Variants in MTIF2 observed in about 807,000 individuals in gnomAD.
MTIF2 encodes mitochondrial translational initiation factor 2.
MTIF2 carries 71 observed loss-of-function variants against 83.5 expected under a neutral mutation model. That is an observed-to-expected ratio of 0.85 (90% CI 0.70 to 1.04). MTIF2 has a LOEUF of 1.04. Ranked by LOEUF, MTIF2 falls within the 50% of genes least tolerant of loss-of-function variation. MTIF2 has a pLI of 0.00. For synonymous variants in MTIF2, 319 were observed against 287.1 expected (o/e 1.11, Z -1.12); for missense variants, 957 against 846.5 (o/e 1.13, Z -1.62).
At chr2:55,257,391 G>A (rs995620079) in intron 5 of MTIF2, among the ~76,000 whole-genome samples, 2 of 152,190 alleles carry the variant, frequency 1.3e-5, no homozygotes, top group Non-Finnish European at 2.9e-5. Flanking sequence ...TAAAGCAGGA[G>A]ACTCTCTTGA....
intron 15 of MTIF2, 77 bp from the exon 16 acceptor site, chr2:55,236,897 A>T (rs1177906803): frequency 8.7e-7 from 1 of 1,147,658 alleles, no homozygotes; most frequent in Non-Finnish European, 1.2e-6. Flanking sequence ...TGTGGTGTTA[A>T]CCAGGAAATT....
intron 5 of MTIF2, among the ~76,000 whole-genome samples, chr2:55,256,381 T>C (rs929352471): frequency 3.9e-5 from 6 of 151,984 alleles, no homozygotes; most frequent in African/African-American, 1.5e-4. Flanking sequence ...TTTATGTATC[T>C]AGGGTGTCCA....
At chr2:55,249,584 C>G in intron 8 of MTIF2, 50 bp from the exon 9 acceptor site, 1 of 1,588,136 alleles carries the variant, frequency 6.3e-7, no homozygotes, top group Non-Finnish European at 8.6e-7. Flanking sequence ...CCTTCAATTC[C>G]AGGTATTCAC....
chr2:55,251,732 T>G (rs1237017890), intron 8 of MTIF2, among the ~76,000 whole-genome samples: 1 of 152,214 alleles, frequency 6.6e-6, no homozygotes, highest in East Asian at 1.9e-4. Context: ...CAAGTGATTC[T>G]CCTGCCTCAG....
intron 3 of MTIF2, among the ~76,000 whole-genome samples, chr2:55,265,341 A>C (rs755729297): frequency 6.0e-5 from 9 of 150,114 alleles, no homozygotes; most frequent in South Asian, 2.1e-4. Flanking sequence ...TGTTGATTCA[A>C]AGTTTAATAA....
At chr2:55,264,483 T>C (rs547160354) in intron 3 of MTIF2, among the ~76,000 whole-genome samples, 2 of 152,326 alleles carry the variant, frequency 1.3e-5, no homozygotes, top group South Asian at 2.1e-4. Context: ...GTGATCCACC[T>C]TGGCCTCCCA....
At chr2:55,261,304 T>C (rs1677965995) in intron 5 of MTIF2, among the ~76,000 whole-genome samples, 1 of 152,070 alleles carries the variant, frequency 6.6e-6, no homozygotes, top group African/African-American at 2.4e-5. Context: ...CTTACAGATA[T>C]TGTCAAAATG....
intron 3 of MTIF2, 33 bp from the exon 4 acceptor site, chr2:55,263,898 T>C: frequency 6.7e-7 from 1 of 1,491,432 alleles, no homozygotes. Flanking sequence ...AAAATAATAT[T>C]CAAATCAAGT....
intron 7 of MTIF2, among the ~76,000 whole-genome samples, chr2:55,253,289 T>C (rs2104396730): frequency 6.6e-6 from 1 of 152,330 alleles, no homozygotes; most frequent in Non-Finnish European, 1.5e-5. Context: ...ATCAGCAATA[T>C]TATCACAACC....
chr2:55,262,157 T>G (rs1488520105), intron 5 of MTIF2, among the ~76,000 whole-genome samples, 159 bp downstream of exon 5: 1 of 152,172 alleles, frequency 6.6e-6, no homozygotes, highest in Non-Finnish European at 1.5e-5. Context: ...AGAAACTAAC[T>G]AGGGATTATG....
intron 10 of MTIF2, among the ~76,000 whole-genome samples, chr2:55,245,274 C>T (rs1425583938): frequency 6.6e-6 from 1 of 151,858 alleles, no homozygotes; most frequent in East Asian, 1.9e-4. Flanking sequence ...GTAATCCCAG[C>T]ACTTTGGGAG....
At chr2:55,267,174 T>C (rs1364191292) in intron 3 of MTIF2, among the ~76,000 whole-genome samples, 2 of 152,120 alleles carry the variant, frequency 1.3e-5, no homozygotes, top group Non-Finnish European at 2.9e-5. Context: ...ATTTTTTTTT[T>C]TGAGATGGAG....
intron 12 of MTIF2, 50 bp from the exon 13 acceptor site, chr2:55,243,130 G>A: frequency 6.6e-7 from 1 of 1,512,374 alleles, no homozygotes; most frequent in African/African-American, 1.4e-5. Context: ...TTAGACATCA[G>A]CAGACATAAA....
At position 55,243,100 on chromosome 2, in the gene MTIF2, A is replaced by G. The variant is rs978871422; in HGVS notation, c.1565-20T>C. 3.2e-6 allele frequency: 5 copies of G among 1,575,966 alleles called. No individual in the cohort carries two copies. The highest frequency in any genetic ancestry group is 4.0e-5 in the Admixed American group (2 of 50,062). On this transcript the variant is annotated intron_variant, in intron 12 of 15. Transcript: ENST00000263629. ...CATCACCTAAATACAGAAAAAGTTT[A>G]TAATTGTTGCTTTTAAGAGTTAGAC...
intron 5 of MTIF2, among the ~76,000 whole-genome samples, chr2:55,259,484 TA>T (rs981019245): frequency 1.8e-4 from 21 of 118,898 alleles, no homozygotes; most frequent in African/African-American, 7.1e-4. Context: ...TCTATGTGTA[TA>T]GGGGTAGGGG....
intron 14 of MTIF2, among the ~76,000 whole-genome samples, chr2:55,238,177 C>T (rs1028271784): frequency 1.7e-5 from 2 of 117,030 alleles, no homozygotes; most frequent in South Asian, 2.9e-4. Flanking sequence ...ACTACAGGTG[C>T]GTGCCACCAT....
chr2:55,244,296 C>G, intron 10 of MTIF2, 63 bp from the exon 11 acceptor site: 1 of 1,228,236 alleles, frequency 8.1e-7, no homozygotes, highest in Non-Finnish European at 1.2e-6. Flanking sequence ...GCAAAGATAT[C>G]TTTATGAAGT....
At chr2:55,252,160 A>G (rs1677142158) in intron 8 of MTIF2, among the ~76,000 whole-genome samples, 3 of 152,206 alleles carry the variant, frequency 2.0e-5, no homozygotes, top group African/African-American at 7.2e-5. Flanking sequence ...TATGTGATGG[A>G]TAGATCGAAT....
intron 13 of MTIF2, among the ~76,000 whole-genome samples, chr2:55,242,530 T>C (rs892396727): frequency 5.9e-5 from 9 of 152,112 alleles, no homozygotes; most frequent in African/African-American, 1.7e-4. Context: ...TTACCAAAGA[T>C]AGGCAGCCAA....
Sources: allele counts gnomAD v4.1 joint callset (sites outside exome capture counted in the v4.1 genomes callset), GRCh38; gene constraint gnomAD v4.1.1; transcripts MANE v1.5; gene names NCBI Gene and HGNC (gene_info 2026-07-23, HGNC 2026-07-21).